The following SPG21 variants were observed in gnomAD, a reference collection of about 807,000 sequenced individuals.
The protein encoded by SPG21 is SPG21 abhydrolase domain containing, maspardin, also known as maspardin.
A neutral mutation model predicts 38.9 loss-of-function variants in SPG21; 26 were observed. That is an observed-to-expected ratio of 0.67 (90% CI 0.49 to 0.93). The LOEUF (loss-of-function observed/expected upper bound fraction) is 0.93. Ranked by LOEUF, SPG21 falls within the 40% of genes least tolerant of loss-of-function variation. The pLI is 0.00. For synonymous variants in SPG21, 136 were observed against 128.9 expected, an observed-to-expected ratio of 1.05 and a Z score of -0.37; for missense variants, 333 against 376.5, an observed-to-expected ratio of 0.88 and a Z score of 0.96.
intron 8 of SPG21, among the ~76,000 whole-genome samples, chr15:64,965,099 A>G (rs2085516420): frequency 1.3e-5 from 2 of 152,152 alleles, no homozygotes; most frequent in African/African-American, 4.8e-5. Flanking sequence ...TGCTGTCCTT[A>G]GAAAAGGGAT....
At chr15:64,977,561 T>G (rs146715666) in intron 3 of SPG21, among the ~76,000 whole-genome samples, 264 of 151,998 alleles carry the variant, frequency 1.7e-3, no homozygotes, top group African/African-American at 6.0e-3. Flanking sequence ...AAATGGGGTT[T>G]TGCCACGTTG....
intron 5 of SPG21, among the ~76,000 whole-genome samples, chr15:64,970,495 A>T (rs1273952890): frequency 6.6e-6 from 1 of 152,228 alleles, no homozygotes; most frequent in East Asian, 1.9e-4. Context: ...GATGAGTCCA[A>T]GATTGTTTTT....
chr15:64,963,805 G>T, intron 8 of SPG21, 69 bp from the exon 9 acceptor site: 1 of 1,389,582 alleles, frequency 7.2e-7, no homozygotes, highest in Non-Finnish European at 1.0e-6. Flanking sequence ...TGCCCAGGCT[G>T]GAGTGCAGTG....
intron 3 of SPG21, among the ~76,000 whole-genome samples, chr15:64,979,498 G>A (rs1301025940): frequency 6.6e-6 from 1 of 152,206 alleles, no homozygotes; most frequent in Non-Finnish European, 1.5e-5. Context: ...GGTTAAAGAA[G>A]CTGGAGAAAT....
rs780168351 is a variant in SPG21, at chr15:64,983,209, G to C, written c.63+298C>G. 3.9e-5 allele frequency: 9 copies of C among 232,624 alleles called. No individual in the cohort carries two copies. The South Asian group carries it at 4.0e-4, about 10-fold the overall frequency. The allele number at this position is 232,624 out of a possible 1,614,324, so 14.4% of individuals were successfully genotyped here. A position where few individuals can be genotyped will look rare whatever the true frequency, so the allele number is the denominator to read the frequency against. ...GGAAGCAGAGGTTGCAGTGAGCCGA[G>C]ATCATGCAGTGCACTGCACTCCAGC... is the stretch of plus-strand genomic sequence containing the variant. On this transcript the variant is annotated intron_variant, in intron 2 of 8. Transcript: ENST00000204566.
At chr15:64,966,290 C>T (rs1482986819) in intron 7 of SPG21, among the ~76,000 whole-genome samples, 3 of 152,074 alleles carry the variant, frequency 2.0e-5, no homozygotes, top group African/African-American at 7.2e-5. Flanking sequence ...TACACATTTA[C>T]GTTTTTACAT....
Position 64,983,564 on chromosome 15 carries a change from TC to T in SPG21, c.5del (p.Gly2GlufsTer65). On this transcript the variant is annotated frameshift_variant, in exon 2 of 9. Coordinates refer to ENST00000204566, the MANE Select transcript of SPG21 (RefSeq NM_016630.7). LOFTEE classifies it high-confidence loss of function. ...TATAATCAGGAGAGACTTTAATCTC[TC>T]CCATGATTAGCTGAAATGGAGGTTA... M[G>X]EIKVSPDYNW... 6.4e-7 allele frequency: 1 copy of T among 1,572,856 alleles called. No homozygotes were observed. The highest frequency in any genetic ancestry group is 1.8e-5 in the Admixed American group (1 of 55,710).
chr15:64,979,135 G>T (rs1172333336), intron 3 of SPG21, among the ~76,000 whole-genome samples: 1 of 152,160 alleles, frequency 6.6e-6, no homozygotes, highest in Non-Finnish European at 1.5e-5. Context: ...ACCTTTTCTT[G>T]ATTAACTCTC....
intron 3 of SPG21, among the ~76,000 whole-genome samples, chr15:64,978,354 C>A (rs529477556): frequency 1.3e-3 from 196 of 151,968 alleles, no homozygotes; most frequent in Admixed American, 3.9e-3. Flanking sequence ...GAAGCTGAGG[C>A]ATGAGAATTG....
intron 7 of SPG21, 49 bp from the exon 8 acceptor site, chr15:64,965,509 C>A: frequency 1.2e-6 from 2 of 1,613,006 alleles, no homozygotes; most frequent in South Asian, 1.1e-5. Context: ...AAAACACACA[C>A]ACACATACAG....
intron 3 of SPG21, among the ~76,000 whole-genome samples, chr15:64,978,113 G>T (rs866381802): frequency 6.6e-6 from 1 of 151,580 alleles, no homozygotes; most frequent in African/African-American, 2.4e-5. Context: ...TTACAGGCGT[G>T]AGCCACCGCG....
At chr15:64,965,505 C>T (rs750980119) in intron 7 of SPG21, 45 bp from the exon 8 acceptor site, 2 of 1,612,978 alleles carry the variant, frequency 1.2e-6, no homozygotes, top group Non-Finnish European at 1.7e-6. Context: ...AGGTAAAACA[C>T]ACACACACAT....
chr15:64,985,637 C>T (rs1211784833), intron 1 of SPG21, among the ~76,000 whole-genome samples: 1 of 152,214 alleles, frequency 6.6e-6, no homozygotes, highest in Non-Finnish European at 1.5e-5. Context: ...GCACGGCTAA[C>T]ACGAGGTGAG....
At chr15:64,975,564 G>C (rs2085758658) in intron 4 of SPG21, among the ~76,000 whole-genome samples, 7 of 150,102 alleles carry the variant, frequency 4.7e-5, no homozygotes, top group Admixed American at 4.7e-4. Flanking sequence ...AAACCACTTA[G>C]TGGTTTATGT....
chr15:64,965,236 C>T, intron 8 of SPG21, 84 bp downstream of exon 8: 1 of 1,555,930 alleles, frequency 6.4e-7, no homozygotes, highest in Non-Finnish European at 8.9e-7. Flanking sequence ...TTCACTGATT[C>T]CCTAACTAGT....
rs553935802 is a variant in SPG21, at chr15:64,970,275, A to G, written c.453-53T>C. On this transcript the variant is annotated intron_variant, in intron 5 of 8. Transcript: ENST00000204566. Reference sequence around the variant, plus strand: ...AAACTTCCAAGACTACACATGGCAAATATTCATTCAACATTAAAGCTTTGT... The same window carrying G: ...AAACTTCCAAGACTACACATGGCAAGTATTCATTCAACATTAAAGCTTTGT... 14 of 1,410,858 alleles carry G rather than the reference A, an allele frequency of 9.9e-6. No individual in the cohort carries two copies. In the African/African-American group the frequency reaches 2.0e-4, roughly 20 times the overall value. 87.4% of individuals were successfully genotyped at this position (1,410,858 alleles called of 1,614,324 possible).
chr15:64,963,288 C>A lies in SPG21; in HGVS notation c.*332G>T, dbSNP rs1369976346. The A allele has an allele frequency of 2.2e-5, 5 of 232,172 alleles. No homozygotes were observed. The highest frequency in any genetic ancestry group is 6.9e-5 in the African/African-American group (3 of 43,774). The allele number at this position is 232,172 out of a possible 1,614,324, so 14.4% of individuals were successfully genotyped here. ...AATGGAAAAGAAAAGAAGAAAAAAA[C>A]CACCACAAAGTCCCAAACCTCAGAA... On this transcript the variant is annotated 3_prime_UTR_variant, in exon 9 of 9. Transcript: ENST00000204566.
chr15:64,976,362 T>G, intron 4 of SPG21, 113 bp downstream of exon 4: 1 of 697,552 alleles, frequency 1.4e-6, no homozygotes. Context: ...GAGGTGGAGG[T>G]TGCGGTGAGC....
Position 64,969,313 on chromosome 15 carries a change from C to T in SPG21, c.611G>A (p.Cys204Tyr), listed in dbSNP as rs560536229. Reference protein sequence around the residue: ...SELASRLTLNCQNSYVEPHKI... With the variant: ...SELASRLTLNYQNSYVEPHKI... ...ATGAGGTTCCACATAAGAATTTTGA[C>T]AATTCAAGGTAAGTCTTGAAGCCAG... is the stretch of plus-strand genomic sequence containing the variant. Residue 204 changes from cysteine to tyrosine, a missense_variant, in exon 7 of 9, where the codon TGT (cysteine) becomes TAT (tyrosine). Physicochemically the swap from Cys to Tyr is radical, Grantham distance 194 (BLOSUM62 -2). Coordinates refer to ENST00000204566, the MANE Select transcript of SPG21 (RefSeq NM_016630.7). 2 of 1,614,118 alleles carry T rather than the reference C, an allele frequency of 1.2e-6. No homozygotes were observed. The highest frequency in any genetic ancestry group is 2.2e-5 in the South Asian group (2 of 91,084).
Sources: allele counts gnomAD v4.1 joint callset (sites outside exome capture counted in the v4.1 genomes callset), GRCh38; gene constraint gnomAD v4.1.1; transcripts MANE v1.5; gene names NCBI Gene and HGNC (gene_info 2026-07-23, HGNC 2026-07-21).